Variants in LEMD3 observed in about 807,000 individuals in gnomAD.
LEMD3 encodes LEM domain containing 3, also known as inner nuclear membrane protein Man1.
In LEMD3, 33 loss-of-function variants were observed where a neutral mutation model predicts 95.2. The observed-to-expected ratio is 0.35, with a 90% CI of 0.26 to 0.46. The LOEUF (loss-of-function observed/expected upper bound fraction) is 0.46, where lower values mean the gene tolerates loss of function less well. LEMD3 is among the 20% of genes least tolerant of loss of function. The pLI is 1.00. For missense variants in LEMD3, 1,210 were observed against 1,192.8 expected, an observed-to-expected ratio of 1.01 and a Z score of -0.21; for synonymous variants, 525 against 474.6, an observed-to-expected ratio of 1.11 and a Z score of -1.38.
chr12:65,188,526 GTAT>G (rs1869136159), intron 1 of LEMD3, among the ~76,000 whole-genome samples: 1 of 152,100 alleles, frequency 6.6e-6, no homozygotes, highest in Admixed American at 6.5e-5. Context: ...TTCTGATTGG[GTAT>G]GCTTAAGTTT....
rs1040732078 is a variant in LEMD3, at chr12:65,238,957, T to C, written c.1921+143T>C. On this transcript the variant is annotated intron_variant, in intron 6 of 12. Coordinates refer to ENST00000308330, the MANE Select transcript of LEMD3 (RefSeq NM_014319.5). ...ATGTCTTCACTAAATATAATAAAAA[T>C]AATGTCAGAATCATTCTAAAGGCTT... 4.0e-6 allele frequency: 3 copies of C among 756,972 alleles called. No homozygotes were observed. The African/African-American group carries it at 5.3e-5, about 13-fold the overall frequency. The allele number at this position is 756,972 out of a possible 1,614,324, so 46.9% of individuals were successfully genotyped here. A position where few individuals can be genotyped will look rare whatever the true frequency, so the allele number is the denominator to read the frequency against.
intron 2 of LEMD3, among the ~76,000 whole-genome samples, chr12:65,213,590 A>C (rs2136337608): frequency 6.6e-6 from 1 of 152,238 alleles, no homozygotes; most frequent in South Asian, 2.1e-4. Context: ...CTGAGTTCTT[A>C]AGTTATTTGT....
intron 1 of LEMD3, chr12:65,171,768 A>G (rs575457313): frequency 4.5e-4 from 69 of 154,946 alleles, no homozygotes; most frequent in Non-Finnish European, 7.6e-4. Context: ...ATTGGTTTCC[A>G]GGTCCTACTA....
intron 1 of LEMD3, among the ~76,000 whole-genome samples, chr12:65,203,792 C>G (rs1041935101): frequency 1.3e-5 from 2 of 151,956 alleles, no homozygotes; most frequent in Non-Finnish European, 2.9e-5. Flanking sequence ...CAGTTTTTGC[C>G]TCACATATTT....
intron 4 of LEMD3, among the ~76,000 whole-genome samples, chr12:65,219,851 G>T (rs1320397313): frequency 2.0e-5 from 3 of 152,030 alleles, no homozygotes; most frequent in Non-Finnish European, 4.4e-5. Flanking sequence ...ATATCTTCAA[G>T]TTTCATCCAT....
chr12:65,200,846 G>A (rs1869576441), intron 1 of LEMD3, among the ~76,000 whole-genome samples: 1 of 152,038 alleles, frequency 6.6e-6, no homozygotes, highest in Admixed American at 6.6e-5. Context: ...CATGGATTAT[G>A]TGTTTGCTGT....
intron 4 of LEMD3, among the ~76,000 whole-genome samples, chr12:65,234,996 C>T (rs1870734724): frequency 6.6e-6 from 1 of 152,086 alleles, no homozygotes. Context: ...TGTAGTAATG[C>T]AAAGCATGCC....
chr12:65,211,881 A>G (rs1339891803), intron 2 of LEMD3, among the ~76,000 whole-genome samples: 1 of 152,218 alleles, frequency 6.6e-6, no homozygotes, highest in Non-Finnish European at 1.5e-5. Flanking sequence ...TGAAATTCTG[A>G]ACTTCTGAAT....
Position 65,247,186 on chromosome 12 carries a change from T to C in LEMD3, c.*861T>C, listed in dbSNP as rs976178020. 1.3e-5 allele frequency: 2 copies of C among 152,568 alleles called. No homozygotes were observed. The highest frequency in any genetic ancestry group is 4.8e-5 in the African/African-American group (2 of 41,462). The allele number at this position is 152,568 out of a possible 1,614,324, so 9.5% of individuals were successfully genotyped here. ...AAAAATGTCTGAGTATGATTTTGTG[T>C]GAAAGTTCTGATACCAGTTGTAATA... On this transcript the variant is annotated 3_prime_UTR_variant, in exon 13 of 13. Transcript: ENST00000308330.
At chr12:65,192,683 G>C (rs1044239088) in intron 1 of LEMD3, among the ~76,000 whole-genome samples, 1 of 152,044 alleles carries the variant, frequency 6.6e-6, no homozygotes, top group Non-Finnish European at 1.5e-5. Context: ...GTTTTTCAGT[G>C]GGACACAGGA....
At chr12:65,245,296 A>ATT in intron 10 of LEMD3, 1 of 183,020 alleles carries the variant, frequency 5.5e-6, no homozygotes, top group Non-Finnish European at 1.1e-5. Context: ...ACGCCTGGCT[A>ATT]ATTTTTTTTT....
At chr12:65,209,914 A>G (rs1221746594) in intron 1 of LEMD3, among the ~76,000 whole-genome samples, 1 of 152,094 alleles carries the variant, frequency 6.6e-6, no homozygotes, top group Non-Finnish European at 1.5e-5. Flanking sequence ...ACTTTGTAAG[A>G]TCAGTTAGTC....
intron 1 of LEMD3, among the ~76,000 whole-genome samples, chr12:65,181,324 G>A (rs926605817): frequency 3.3e-5 from 5 of 152,048 alleles, no homozygotes; most frequent in Non-Finnish European, 7.4e-5. Flanking sequence ...ATTCAGTCAC[G>A]CATTCACCCA....
At chr12:65,236,699 TATA>T (rs1870783158) in intron 4 of LEMD3, among the ~76,000 whole-genome samples, 1 of 152,228 alleles carries the variant, frequency 6.6e-6, no homozygotes, top group African/African-American at 2.4e-5. Flanking sequence ...TAAAGGTGTT[TATA>T]ACAGTATTAT....
intron 4 of LEMD3, among the ~76,000 whole-genome samples, chr12:65,222,086 A>G (rs938315954): frequency 1.3e-5 from 2 of 152,112 alleles, no homozygotes; most frequent in African/African-American, 4.8e-5. Context: ...GATATTAGCT[A>G]AGGGTTTCCA....
intron 8 of LEMD3, 111 bp downstream of exon 8, chr12:65,240,349 CA>C (rs1232558810): frequency 6.1e-6 from 5 of 818,344 alleles, no homozygotes; most frequent in African/African-American, 1.7e-5. Context: ...TTGCTTACTG[CA>C]CAGGTTTTTT....
intron 1 of LEMD3, among the ~76,000 whole-genome samples, chr12:65,201,339 G>T (rs1307705557): frequency 6.6e-6 from 1 of 152,118 alleles, no homozygotes; most frequent in Non-Finnish European, 1.5e-5. Context: ...AAAATAATCT[G>T]CTGGGATTTT....
intron 1 of LEMD3, among the ~76,000 whole-genome samples, chr12:65,184,921 C>T (rs929557670): frequency 2.0e-5 from 3 of 152,168 alleles, no homozygotes; most frequent in Admixed American, 6.6e-5. Context: ...CACATATCCT[C>T]TTCTCCTTTC....
intron 2 of LEMD3, among the ~76,000 whole-genome samples, chr12:65,213,099 TA>T (rs1869992423): frequency 6.6e-6 from 1 of 152,114 alleles, no homozygotes; most frequent in Non-Finnish European, 1.5e-5. Context: ...GATAGATAGA[TA>T]GATAGATAGA....
Sources: allele counts gnomAD v4.1 joint callset (sites outside exome capture counted in the v4.1 genomes callset), GRCh38; gene constraint gnomAD v4.1.1; transcripts MANE v1.5; gene names NCBI Gene and HGNC (gene_info 2026-07-23, HGNC 2026-07-21).